CNBD1: variants seen among roughly 807,000 people sequenced by gnomAD.
CNBD1 encodes cyclic nucleotide-binding domain-containing protein 1.
A neutral mutation model predicts 54.4 loss-of-function variants in CNBD1; 71 were observed. That is an observed-to-expected ratio of 1.30 (90% CI 1.08 to 1.59). The LOEUF is 1.59. Among genes scored for constraint, CNBD1 ranks in the 40% most tolerant of loss-of-function variants. The pLI is 0.00. For synonymous variants in CNBD1, 182 were observed against 170.7 expected (o/e 1.07, Z -0.51); for missense variants, 659 against 518.0 (o/e 1.27, Z -2.64).
At chr8:86,912,445 A>G (rs948667316) in intron 3 of CNBD1, among the ~76,000 whole-genome samples, 1 of 152,204 alleles carries the variant, frequency 6.6e-6, no homozygotes, top group Non-Finnish European at 1.5e-5. Flanking sequence ...TGGTGGTCCC[A>G]TAAAATTAAA....
At chr8:87,040,673 C>T (rs1402163429) in intron 4 of CNBD1, among the ~76,000 whole-genome samples, 1 of 151,878 alleles carries the variant, frequency 6.6e-6, no homozygotes, top group East Asian at 1.9e-4. Flanking sequence ...ATCCACCCTC[C>T]TTGGCCTCCC....
intron 4 of CNBD1, among the ~76,000 whole-genome samples, chr8:87,040,672 C>A (rs1173625863): frequency 1.3e-5 from 2 of 151,846 alleles, no homozygotes; most frequent in Non-Finnish European, 2.9e-5. Flanking sequence ...GATCCACCCT[C>A]CTTGGCCTCC....
chr8:87,397,487 A>G (rs1811430150), intron 2 of CNBD1, among the ~76,000 whole-genome samples: 1 of 151,944 alleles, frequency 6.6e-6, no homozygotes, highest in African/African-American at 2.4e-5. Context: ...CTTTGCCACA[A>G]AACTAAATTT....
intron 8 of CNBD1, among the ~76,000 whole-genome samples, chr8:87,302,284 T>C (rs192061563): frequency 6.6e-6 from 1 of 152,104 alleles, no homozygotes; most frequent in South Asian, 2.1e-4. Context: ...AAAAAGCTTA[T>C]CCAACATGAT....
intron 8 of CNBD1, among the ~76,000 whole-genome samples, chr8:87,288,733 G>A (rs1246683848): frequency 6.6e-6 from 1 of 152,014 alleles, no homozygotes; most frequent in Admixed American, 6.6e-5. Flanking sequence ...GATAGCATTG[G>A]ACAATCTGTG....
At chr8:86,953,874 T>TA (rs113673985) in intron 4 of CNBD1, among the ~76,000 whole-genome samples, 4,056 of 151,968 alleles carry the variant, frequency 0.027, 191 homozygotes, top group African/African-American at 0.093. Context: ...CTCAAAAAAA[T>TA]AAAAAAATCC....
intron 1 of CNBD1, among the ~76,000 whole-genome samples, chr8:86,876,221 G>A (rs1015162393): frequency 7.3e-5 from 11 of 151,256 alleles, no homozygotes; most frequent in African/African-American, 2.4e-4. Flanking sequence ...GTTTGTGGTG[G>A]AGGAAAACTG....
chr8:87,386,170 G>A (rs978815212), downstream of CNBD1, among the ~76,000 whole-genome samples: 7 of 152,114 alleles, frequency 4.6e-5, no homozygotes, highest in Admixed American at 2.6e-4. Context: ...GGAAAAAACA[G>A]AGCAAAAAAA....
At chr8:87,224,087 T>C (rs894988714) in intron 5 of CNBD1, among the ~76,000 whole-genome samples, 4 of 151,440 alleles carry the variant, frequency 2.6e-5, no homozygotes, top group Non-Finnish European at 4.4e-5. Context: ...TTTGATGGGG[T>C]TGTTTGTTTT....
intron 3 of CNBD1, among the ~76,000 whole-genome samples, chr8:86,934,975 T>C (rs1020648465): frequency 1.3e-5 from 2 of 152,144 alleles, no homozygotes; most frequent in South Asian, 2.1e-4. Flanking sequence ...AAACTACATA[T>C]GACTTTTGTA....
At chr8:87,241,777 A>G (rs1347972806) in intron 6 of CNBD1, among the ~76,000 whole-genome samples, 1 of 152,212 alleles carries the variant, frequency 6.6e-6, no homozygotes, top group African/African-American at 2.4e-5. Context: ...AAAAAACAAA[A>G]TGATACTTAT....
chr8:87,051,080 T>C (rs1810301611), intron 4 of CNBD1, among the ~76,000 whole-genome samples: 3 of 152,198 alleles, frequency 2.0e-5, no homozygotes, highest in African/African-American at 7.2e-5. Context: ...ACATATGGGC[T>C]AGAATATCCC....
rs774491324 is a variant in CNBD1 at position 87,122,075 on chromosome 8, G to T, written c.432-83918G>T. ...TGTATTGATTTTGGTTCCTTTGGGT[G>T]TATACTCAGAAGTAGAATTACTGGG... On this transcript the variant is annotated intron_variant, in intron 4 of 10. Coordinates refer to ENST00000518476, the MANE Select transcript of CNBD1 (RefSeq NM_173538.3). Among the ~76,000 whole-genome samples, 7 of 151,724 alleles carry T rather than the reference G, an allele frequency of 4.6e-5. No homozygotes were observed. In the South Asian group the frequency reaches 1.0e-3, roughly 23 times the overall value.
intron 8 of CNBD1, among the ~76,000 whole-genome samples, chr8:87,345,425 C>A (rs1222142868): frequency 6.6e-6 from 1 of 152,160 alleles, no homozygotes; most frequent in Non-Finnish European, 1.5e-5. Flanking sequence ...TCTACCCCTT[C>A]TGCATAGCCA....
intron 2 of CNBD1, among the ~76,000 whole-genome samples, chr8:86,891,400 C>T (rs2131793009): frequency 6.6e-6 from 1 of 151,938 alleles, no homozygotes. Context: ...TTTATTATAA[C>T]TGTGGGTTTA....
At chr8:87,298,194 AT>A (rs1227510270) in intron 8 of CNBD1, among the ~76,000 whole-genome samples, 5 of 151,904 alleles carry the variant, frequency 3.3e-5, no homozygotes, top group African/African-American at 1.2e-4. Flanking sequence ...GTAATTTTAT[AT>A]TCCACAAAGT....
At chr8:87,284,033 G>T (rs950966504) in intron 6 of CNBD1, among the ~76,000 whole-genome samples, 1 of 151,988 alleles carries the variant, frequency 6.6e-6, no homozygotes, top group South Asian at 2.1e-4. Flanking sequence ...TAGGCATATC[G>T]ACCTGATGTT....
intron 8 of CNBD1, among the ~76,000 whole-genome samples, chr8:87,309,740 T>C (rs568619282): frequency 7.2e-5 from 11 of 152,206 alleles, no homozygotes; most frequent in African/African-American, 2.4e-4. Context: ...CTGGATAGAG[T>C]GATACCTGTA....
intron 2 of CNBD1, among the ~76,000 whole-genome samples, chr8:87,424,960 A>G (rs891728156): frequency 5.9e-5 from 9 of 152,120 alleles, no homozygotes; most frequent in Non-Finnish European, 1.0e-4. Flanking sequence ...AGGTACACCA[A>G]TCAGACGTAG....
Sources: gnomAD v4.1 joint callset for allele counts (sites outside exome capture counted in the v4.1 genomes callset) on GRCh38, gnomAD v4.1.1 for gene constraint, MANE v1.5 for transcripts, NCBI Gene and HGNC (gene_info 2026-07-23, HGNC 2026-07-21) for gene names.